HTR3A: variants seen among roughly 807,000 people sequenced by gnomAD.
HTR3A encodes the protein 5-hydroxytryptamine (serotonin) receptor 3A, ionotropic.
Under a neutral mutation model 54.8 loss-of-function variants are expected in HTR3A, and 45 were observed. The observed-to-expected ratio is 0.82, with a 90% CI of 0.65 to 1.05. The LOEUF (loss-of-function observed/expected upper bound fraction) is 1.05. Ranked by LOEUF, HTR3A falls within the 50% of genes least tolerant of loss-of-function variation. The pLI, the probability that HTR3A is intolerant of heterozygous loss-of-function variation, is 0.00. For missense variants in HTR3A, 657 were observed against 614.0 expected, an observed-to-expected ratio of 1.07 and a Z score of -0.74; for synonymous variants, 297 against 256.0, an observed-to-expected ratio of 1.16 and a Z score of -1.53.
Position 113,986,671 on chromosome 11 carries a change from T to C in HTR3A, c.859T>C (p.Phe287Leu). 1.2e-6 allele frequency: 2 copies of C among 1,614,204 alleles called. No individual in the cohort carries two copies. Among genetic ancestry groups the C allele is most frequent in the Non-Finnish European group, 1.7e-6 (2 of 1,180,042 alleles). ...TACACTCCTCCTGGGCTACTCGGTC[T>C]TCCTGATCATCGTTTCTGACACGCT... ...KITLLLGYSVFLIIVSDTLPA... is the reference protein window; with the variant it reads ...KITLLLGYSVLLIIVSDTLPA... Residue 287 changes from phenylalanine (F) to leucine (L), a missense_variant, in exon 7 of 9, where the codon TTC becomes CTC. By Grantham distance (22) the Phe-to-Leu change is conservative (BLOSUM62 0). Transcript: ENST00000504030.
intron 4 of HTR3A, 113 bp from the exon 5 acceptor site, chr11:113,983,007 C>T (rs1950439317): frequency 1.6e-6 from 2 of 1,216,662 alleles, no homozygotes; most frequent in Admixed American, 3.5e-5. Flanking sequence ...GGTTATCCGG[C>T]TGCCTATACC....
chr11:113,981,354 G>C (rs1269266309), intron 4 of HTR3A, 42 bp downstream of exon 4: 4 of 1,279,200 alleles, frequency 3.1e-6, no homozygotes, highest in Middle Eastern at 1.8e-4. Context: ...GGTGGCTTAG[G>C]AGCTGGAGAA....
chr11:113,990,162 C>T lies in HTR3A; in HGVS notation c.*399C>T. The T allele has an allele frequency of 2.2e-6, 1 of 460,524 alleles. No homozygotes were observed. Among genetic ancestry groups the T allele is most frequent in the Non-Finnish European group, 4.3e-6 (1 of 231,412 alleles). The allele number at this position is 460,524 out of a possible 1,614,324, so 28.5% of individuals were successfully genotyped here. On this transcript the variant is annotated 3_prime_UTR_variant, in exon 9 of 9. Transcript: ENST00000504030. The stretch of plus-strand genomic sequence containing the variant: ...GCTTTTAGGTTGAAGGCAAAACCAA[C>T]TCTCTACTACACAGGCCTGATAACT...
chr11:113,979,981 A>G (rs1950402300), intron 3 of HTR3A, among the ~76,000 whole-genome samples: 1 of 152,136 alleles, frequency 6.6e-6, no homozygotes, highest in East Asian at 1.9e-4. Context: ...GGTCTCTGTT[A>G]TCCCTCCCCA....
Position 113,977,827 on chromosome 11 carries a change from T to C in HTR3A, c.124T>C (p.Leu42=), listed in dbSNP as rs1950370666. The change falls in exon 2 of 9, where the codon TTG becomes CTG. Residue 42 remains leucine (L), a synonymous_variant. Transcript: ENST00000504030. Reference sequence around the variant, plus strand: ...TCTGCTGAGGCTGTCGGATTACCTTTTGACCAACTACAGGAAGGGTGTGCG... The same window carrying C: ...TCTGCTGAGGCTGTCGGATTACCTTCTGACCAACTACAGGAAGGGTGTGCG... The part of the protein sequence containing the change: ...PALLRLSDYL[L]TNYRKGVRPV... 1.2e-6 allele frequency: 2 copies of C among 1,613,988 alleles called. No homozygotes were observed. The highest frequency in any genetic ancestry group is 1.7e-6 in the Non-Finnish European group (2 of 1,180,020).
Position 113,983,156 on chromosome 11 carries a change from G to A in HTR3A, c.411G>A (p.Val137=). The A allele has an allele frequency of 1.2e-6, 2 of 1,614,200 alleles. No homozygotes were observed. Among genetic ancestry groups the A allele is most frequent in the Non-Finnish European group, 1.7e-6 (2 of 1,180,038 alleles). The change falls in exon 5 of 9, where the codon GTG becomes GTA. Residue 137 remains valine, a synonymous_variant. Transcript: ENST00000504030. ...GGAAGTCTCCAAATATCCCGTACGT[G>A]TATATTCGGCATCAAGGCGAAGTTC... ...DVGKSPNIPY[V]YIRHQGEVQN...
At chr11:113,987,775 G>T (rs1290948745) in intron 8 of HTR3A, among the ~76,000 whole-genome samples, 2 of 152,172 alleles carry the variant, frequency 1.3e-5, no homozygotes, top group African/African-American at 4.8e-5. Flanking sequence ...CAAAGACCAT[G>T]TTCCTTAGAA....
chr11:113,981,405 A>C, intron 4 of HTR3A, 93 bp downstream of exon 4: 1 of 795,338 alleles, frequency 1.3e-6, no homozygotes, highest in Non-Finnish European at 2.2e-6. Flanking sequence ...GTTGCATTTG[A>C]GATGTCCCAC....
intron 2 of HTR3A, 140 bp downstream of exon 2, chr11:113,978,062 G>T: frequency 9.8e-7 from 1 of 1,016,790 alleles, no homozygotes; most frequent in Non-Finnish European, 1.5e-6. Flanking sequence ...AGCTCAGGAT[G>T]GATTGTAGCA....
chr11:113,977,677 G>A (rs1950367142), intron 1 of HTR3A, 94 bp from the exon 2 acceptor site: 1 of 1,530,798 alleles, frequency 6.5e-7, no homozygotes, highest in South Asian at 1.2e-5. Context: ...GGATGGTGGG[G>A]ATACGTCTCT....
At chr11:113,988,496 C>T (rs924244480) in intron 8 of HTR3A, among the ~76,000 whole-genome samples, 4 of 152,216 alleles carry the variant, frequency 2.6e-5, no homozygotes, top group African/African-American at 9.6e-5. Flanking sequence ...GGCACAGTGG[C>T]TCATGCCTGT....
At chr11:113,982,790 G>A (rs2137577343) in intron 4 of HTR3A, among the ~76,000 whole-genome samples, 1 of 152,304 alleles carries the variant, frequency 6.6e-6, no homozygotes, top group Middle Eastern at 3.4e-3. Flanking sequence ...GCCCAGCCCA[G>A]GGCAGTGACG....
chr11:113,980,450 G>A (rs1037292132), intron 3 of HTR3A, among the ~76,000 whole-genome samples: 2 of 152,240 alleles, frequency 1.3e-5, no homozygotes, highest in South Asian at 2.1e-4. Flanking sequence ...CCCAGCCTGG[G>A]GTGTGGGGGT....
At position 113,986,566 on chromosome 11, in the gene HTR3A, C is replaced by A; in HGVS notation, c.754C>A (p.Pro252Thr). 1.2e-6 allele frequency: 2 copies of A among 1,613,198 alleles called. No individual in the cohort carries two copies. The highest frequency in any genetic ancestry group is 1.7e-6 in the Non-Finnish European group (2 of 1,180,024). ...CTTCTATGTGGTCAGCCTGCTACTG[C>A]CCAGCATCTTCCTCATGGTCATGGA... is the stretch of plus-strand genomic sequence containing the variant. ...PLFYVVSLLLPSIFLMVMDIV... is the reference protein window; with the variant it reads ...PLFYVVSLLLTSIFLMVMDIV... Residue 252 changes from proline (P) to threonine (T), a missense_variant, in exon 7 of 9, where the codon CCC becomes ACC. Transcript: ENST00000504030.
At chr11:113,985,037 G>A (rs986226127) in intron 5 of HTR3A, among the ~76,000 whole-genome samples, 1 of 152,172 alleles carries the variant, frequency 6.6e-6, no homozygotes, top group African/African-American at 2.4e-5. Flanking sequence ...CTACAGATAA[G>A]GCTAACGTCT....
Position 113,989,176 on chromosome 11 carries a change from G to A in HTR3A, c.1139-289G>A, listed in dbSNP as rs559057029. ...AGAGTTCAAGACCAGCCTGGCCAAC[G>A]TGGTGAAATCCAGTTTCTATTGAAA... On this transcript the variant is annotated intron_variant, in intron 8 of 8. Transcript: ENST00000504030. This position sits in a 1 kb window ranked among gnomAD's most constrained non-coding sequence, Gnocchi z 4.4. 2.9e-4 allele frequency among the ~76,000 whole-genome samples: 43 copies of A among 146,204 alleles called. No homozygotes were observed. The highest frequency in any genetic ancestry group is 1.0e-3 in the African/African-American group (41 of 39,530).
At chr11:113,987,573 T>C (rs1480484037) in intron 8 of HTR3A, among the ~76,000 whole-genome samples, 2 of 6,032 alleles carry the variant, frequency 3.3e-4, no homozygotes, top group Admixed American at 0.012. Context: ...TCTCTACTAA[T>C]TTTTTTTTTC....
chr11:113,984,784 G>A (rs1263095954), intron 5 of HTR3A, among the ~76,000 whole-genome samples: 5 of 152,194 alleles, frequency 3.3e-5, no homozygotes, highest in Non-Finnish European at 7.3e-5. Context: ...CAGGTGCAGT[G>A]GCAGGCGCCT....
chr11:113,988,947 G>C (rs562043477), intron 8 of HTR3A, among the ~76,000 whole-genome samples: 72 of 152,322 alleles, frequency 4.7e-4, no homozygotes, highest in South Asian at 1.2e-3. Flanking sequence ...ATCTGGAAGA[G>C]GGGTGGAGAA....
Sources: allele counts gnomAD v4.1 joint callset (sites outside exome capture counted in the v4.1 genomes callset), GRCh38; gene constraint gnomAD v4.1.1; non-coding constraint Gnocchi (gnomAD v3.1); transcripts MANE v1.5; gene names NCBI Gene and HGNC (gene_info 2026-07-23, HGNC 2026-07-21).